Variants in ICE1 observed in about 807,000 individuals in gnomAD.
ICE1 encodes interactor of little elongation complex ELL subunit 1, also known as little elongation complex subunit 1.
In ICE1, 64 loss-of-function variants were observed where a neutral mutation model predicts 192.7. The observed-to-expected ratio is 0.33, with a 90% confidence interval of 0.27 to 0.41. The LOEUF is 0.41. ICE1 is among the 10% of genes least tolerant of loss of function. ICE1 has a pLI of 1.00. For missense variants in ICE1, 2,708 were observed against 2,696.0 expected (o/e 1.00, Z -0.10); for synonymous variants, 1,010 against 984.5 (o/e 1.03, Z -0.49).
At chr5:5,444,419 T>C in intron 7 of ICE1, 93 bp downstream of exon 7, 1 of 894,432 alleles carries the variant, frequency 1.1e-6, no homozygotes, top group African/African-American at 1.7e-5. Context: ...ATAGTTGAAT[T>C]GTTATGGTTT....
At chr5:5,486,253 C>T (rs886604592) in intron 17 of ICE1, among the ~76,000 whole-genome samples, 6 of 152,156 alleles carry the variant, frequency 3.9e-5, no homozygotes, top group South Asian at 4.1e-4. Flanking sequence ...ACTCACAGTC[C>T]GGTAGTTTGA....
chr5:5,452,201 C>T (rs1203445461), intron 10 of ICE1, among the ~76,000 whole-genome samples: 2 of 134,128 alleles, frequency 1.5e-5, no homozygotes, highest in Non-Finnish European at 3.1e-5. Flanking sequence ...GAGGCCTGAA[C>T]CAGTGCAACA....
chr5:5,442,640 A>G (rs1738083486), intron 5 of ICE1, among the ~76,000 whole-genome samples: 1 of 152,204 alleles, frequency 6.6e-6, no homozygotes, highest in African/African-American at 2.4e-5. Flanking sequence ...TGTTGAGATT[A>G]AAGAACTCTC....
At chr5:5,456,847 G>A (rs1164091549) in intron 11 of ICE1, among the ~76,000 whole-genome samples, 1 of 152,186 alleles carries the variant, frequency 6.6e-6, no homozygotes, top group East Asian at 1.9e-4. Context: ...AGTATTCATA[G>A]ACCTCGTCAG....
intron 10 of ICE1, among the ~76,000 whole-genome samples, chr5:5,448,952 T>C (rs1392904489): frequency 6.6e-6 from 1 of 152,212 alleles, no homozygotes; most frequent in Non-Finnish European, 1.5e-5. Context: ...CTGAGAGAAA[T>C]AGAAGACGTG....
intron 18 of ICE1, 29 bp downstream of exon 18, chr5:5,486,848 T>C (rs779810404): frequency 4.7e-6 from 7 of 1,504,224 alleles, no homozygotes; most frequent in African/African-American, 1.4e-5. Flanking sequence ...AAAATTACTT[T>C]TAAGTAACTT....
chr5:5,437,385 T>C, intron 3 of ICE1: 1 of 334,310 alleles, frequency 3.0e-6, no homozygotes, highest in Non-Finnish European at 5.5e-6. Context: ...TTTCTCTTAA[T>C]TTGTACTGAG....
chr5:5,461,172 A>G lies in ICE1; in HGVS notation c.1838A>G (p.Asp613Gly). The change falls in exon 13 of 19, where the codon GAT becomes GGT. Residue 613 changes from aspartate (D) to glycine (G), a missense_variant. Transcript: ENST00000296564. The part of the protein sequence containing the change: ...TLGESPESED[D>G]DSGDGMDVAG... ...GGAGAATCACCTGAATCAGAAGATG[A>G]TGACTCAGGTGATGGAATGGATGTA... 6.2e-7 allele frequency: 1 copy of G among 1,613,996 alleles called. No individual in the cohort carries two copies. Among genetic ancestry groups the G allele is most frequent in the Non-Finnish European group, 8.5e-7 (1 of 1,179,854 alleles).
chr5:5,488,674 G>A (rs996936738), intron 18 of ICE1, among the ~76,000 whole-genome samples: 3 of 152,146 alleles, frequency 2.0e-5, no homozygotes, highest in African/African-American at 4.8e-5. Context: ...AGTATGGTAC[G>A]CTACAAAAAG....
Position 5,462,412 on chromosome 5 carries a change from A to T in ICE1, c.3078A>T (p.Arg1026Ser), listed in dbSNP as rs199992370. The T allele has an allele frequency of 1.1e-4, 177 of 1,613,860 alleles. No individual in the cohort carries two copies. The highest frequency in any genetic ancestry group is 1.4e-4 in the Non-Finnish European group (163 of 1,179,890). ...AAACCAGCTGTGGAGACACAGGGAG[A>T]TCTGGTGGTGAGGCCCTGGCTGTTG... ...VEETSCGDTG[R>S]SGGEALAVAN... Residue 1026 changes from arginine to serine, a missense_variant, in exon 13 of 19, where the codon AGA becomes AGT. Around this residue, in one of 2 missense-constraint regions of ICE1, gnomAD observed 2,366 missense variants for 2,276.6 expected, o/e 1.04. Transcript: ENST00000296564.
chr5:5,425,450 CATT>C (rs1280635493), intron 1 of ICE1, among the ~76,000 whole-genome samples: 1 of 152,172 alleles, frequency 6.6e-6, no homozygotes, highest in Non-Finnish European at 1.5e-5. Flanking sequence ...TCCATTGAAA[CATT>C]ATAAACACTG....
rs781135432 is a variant in ICE1, at chr5:5,463,237, G to T, written c.3903G>T (p.Glu1301Asp). The change falls in exon 13 of 19, where the codon GAG becomes GAT. Residue 1301 changes from glutamate (E) to aspartate (D), a missense_variant. Glu to Asp is a conservative substitution (Grantham distance 45). This residue lies in a region of ICE1 where 2,366 missense variants were observed against 2,276.6 expected (regional missense o/e 1.04). Transcript: ENST00000296564. ...ACATGACCACTGAGAATTTAAAAGA[G>T]AAAAGTCCATTTCGGGAAACGACTG... ...NNNMTTENLK[E>D]KSPFRETTGS... The T allele has an allele frequency of 7.4e-6, 12 of 1,612,186 alleles. No homozygotes were observed. Among genetic ancestry groups the T allele is most frequent in the Non-Finnish European group, 1.0e-5 (12 of 1,179,374 alleles).
At chr5:5,478,635 A>G (rs750445394) in intron 17 of ICE1, among the ~76,000 whole-genome samples, 30 of 152,232 alleles carry the variant, frequency 2.0e-4, no homozygotes, top group Non-Finnish European at 2.4e-4. Context: ...AAACCCATAT[A>G]GCCAACACAG....
At chr5:5,484,754 C>T (rs1289493989) in intron 17 of ICE1, among the ~76,000 whole-genome samples, 2 of 152,198 alleles carry the variant, frequency 1.3e-5, no homozygotes, top group African/African-American at 2.4e-5. Context: ...TCCCATGCCT[C>T]AGCTTCTCCA....
intron 1 of ICE1, among the ~76,000 whole-genome samples, chr5:5,434,506 T>C (rs1561073707): frequency 6.6e-6 from 1 of 152,196 alleles, no homozygotes; most frequent in African/African-American, 2.4e-5. Context: ...TGTTGTAAAA[T>C]GAGCTGGTCT....
chr5:5,424,069 T>G, intron 1 of ICE1, among the ~76,000 whole-genome samples: 1 of 152,022 alleles, frequency 6.6e-6, no homozygotes, highest in East Asian at 1.9e-4. Flanking sequence ...GATAGAGGGA[T>G]TAACAGGTGG....
At chr5:5,435,673 G>A (rs192077367) in intron 1 of ICE1, among the ~76,000 whole-genome samples, 1 of 59,302 alleles carries the variant, frequency 1.7e-5, no homozygotes, top group Non-Finnish European at 3.3e-5. Context: ...TTTTTTTTTT[G>A]TTTTGTTTTT....
rs189885698 is a variant in ICE1 at position 5,463,258 on chromosome 5, G to A, written c.3924G>A (p.Thr1308=). The part of the protein sequence containing the change: ...NLKEKSPFRE[T]TGSSSHASEP... ...AAGAGAAAAGTCCATTTCGGGAAAC[G>A]ACTGGCTCCTCATCACATGCTTCAG... Residue 1308 remains threonine (T), a synonymous_variant, in exon 13 of 19, where the codon ACG becomes ACA. Coordinates refer to ENST00000296564, the MANE Select transcript of ICE1 (RefSeq NM_015325.3). The A allele has an allele frequency of 2.9e-4, 460 of 1,613,062 alleles. No individual in the cohort carries two copies. The highest frequency in any genetic ancestry group is 5.7e-4 in the Admixed American group (34 of 59,916).
In ICE1 at chr5:5,462,184, T is replaced by C. The variant is rs770502030; in HGVS notation, c.2850T>C (p.Asp950=). 2.5e-6 allele frequency: 4 copies of C among 1,612,418 alleles called. No homozygotes were observed. The East Asian group carries it at 8.9e-5, about 36-fold the overall frequency. ...GTTCTTCACCAGTAGAAAATTCTGATTGTTCCACAAATAGCAGATTATCTT... is the reference window on the plus strand; with the variant it reads ...GTTCTTCACCAGTAGAAAATTCTGACTGTTCCACAAATAGCAGATTATCTT... The part of the protein sequence containing the change: ...PGGSSPVENS[D]CSTNSRLSFS... Residue 950 remains aspartate (D), a synonymous_variant, in exon 13 of 19, where the codon GAT becomes GAC. Coordinates refer to ENST00000296564, the MANE Select transcript of ICE1 (RefSeq NM_015325.3).
Sources: gnomAD v4.1 joint callset for allele counts (sites outside exome capture counted in the v4.1 genomes callset) on GRCh38, gnomAD v4.1.1 for gene constraint, gnomAD v4.1.1 regional missense constraint, MANE v1.5 for transcripts, NCBI Gene and HGNC (gene_info 2026-07-23, HGNC 2026-07-21) for gene names.